Variants in MOK observed in about 807,000 individuals in gnomAD.
The protein encoded by MOK is MOK protein kinase, also known as MAPK/MAK/MRK overlapping kinase.
A neutral mutation model predicts 54.2 loss-of-function variants in MOK; 59 were observed. That is an observed-to-expected ratio of 1.09 (90% CI 0.88 to 1.35). The LOEUF is 1.35. Ranked by LOEUF, MOK falls within the 40% of genes most tolerant of loss-of-function variation. The pLI is 0.00. For synonymous variants in MOK, 210 were observed against 202.7 expected, an observed-to-expected ratio of 1.04 and a Z score of -0.31; for missense variants, 517 against 526.2, an observed-to-expected ratio of 0.98 and a Z score of 0.17.
downstream of MOK, among the ~76,000 whole-genome samples, chr14:102,219,792 G>T (rs551819707): frequency 2.6e-5 from 4 of 152,234 alleles, no homozygotes; most frequent in African/African-American, 9.6e-5. Context: ...TCAAAAGGGC[G>T]AAGCCTGCTA....
At chr14:102,286,298 C>CAA (rs60479729) in intron 1 of MOK, among the ~76,000 whole-genome samples, 393 of 25,574 alleles carry the variant, frequency 0.015, 25 homozygotes, top group African/African-American at 0.046. Context: ...GACTCCGTCT[C>CAA]AAAAAAAAAA....
intron 2 of MOK, among the ~76,000 whole-genome samples, chr14:102,281,750 C>T (rs1026327624): frequency 1.3e-5 from 2 of 152,028 alleles, no homozygotes; most frequent in African/African-American, 4.8e-5. Flanking sequence ...CAGCTGTCTG[C>T]TCTTTAGATA....
At chr14:102,263,674 T>G (rs933466621) in intron 3 of MOK, 58 bp from the exon 4 acceptor site, 1 of 1,183,944 alleles carries the variant, frequency 8.4e-7, no homozygotes, top group Non-Finnish European at 1.2e-6. Context: ...GAAAATATAA[T>G]CCAATATTTA....
At chr14:102,248,902 T>C (rs2066310243) in intron 7 of MOK, among the ~76,000 whole-genome samples, 2 of 152,148 alleles carry the variant, frequency 1.3e-5, no homozygotes, top group South Asian at 2.1e-4. Flanking sequence ...ACTGTCTGAC[T>C]TGCTTGCCTG....
intron 6 of MOK, chr14:102,251,433 G>A: frequency 6.9e-6 from 3 of 437,620 alleles, no homozygotes; most frequent in Non-Finnish European, 8.7e-6. Context: ...TGGCTTGGGA[G>A]TGAGACGGAC....
rs1214672392 is a variant in MOK at position 102,278,677 on chromosome 14, G to C, written c.122+4801C>G. 1.3e-5 allele frequency: 6 copies of C among 455,372 alleles called. No individual in the cohort carries two copies. In the East Asian group the frequency reaches 4.2e-4, roughly 32 times the overall value. The allele number at this position is 455,372 out of a possible 1,614,324, so 28.2% of individuals were successfully genotyped here. On this transcript the variant is annotated intron_variant, in intron 2 of 11. Transcript: ENST00000361847. ...GCCAGGTGGGGAACTTGATCTCTCC[G>C]AATTTCAATTCCCTAGTCTGAAAGA... is the stretch of plus-strand genomic sequence containing the variant.
intron 2 of MOK, among the ~76,000 whole-genome samples, chr14:102,273,143 A>C (rs974049849): frequency 1.3e-5 from 2 of 151,912 alleles, no homozygotes; most frequent in Admixed American, 6.6e-5. Context: ...GCACTCCAGC[A>C]TGGGCAACAG....
chr14:102,283,335 A>G (rs2069669485), intron 2 of MOK, 143 bp downstream of exon 2: 2 of 560,510 alleles, frequency 3.6e-6, no homozygotes, highest in South Asian at 5.7e-5. Flanking sequence ...ACATAACATT[A>G]GCATATAACC....
intron 1 of MOK, among the ~76,000 whole-genome samples, chr14:102,297,580 C>G (rs1368337056): frequency 6.6e-6 from 1 of 152,246 alleles, no homozygotes; most frequent in Non-Finnish European, 1.5e-5. Context: ...AGCCCTTCAG[C>G]TCGCCGCTGC....
At position 102,250,817 on chromosome 14, in the gene MOK, G is replaced by A. The variant is rs199967642; in HGVS notation, c.585C>T (p.Ile195=). 70 of 1,613,052 alleles carry A rather than the reference G, an allele frequency of 4.3e-5. No individual in the cohort carries two copies. The highest frequency in any genetic ancestry group is 2.7e-4 in the East Asian group (12 of 44,838). ...GGAGCCTGGCCTGGTGCTACCTGGC[G>A]ATCTCGTAGAACACACAGCCGGCGC... ...LWSAGCVFYE[I]ASLQPLFPGV... is the part of the protein sequence containing the mutation. Residue 195 remains isoleucine, a synonymous_variant, in exon 7 of 12, where the codon ATC becomes ATT. Transcript: ENST00000361847.
intron 7 of MOK, among the ~76,000 whole-genome samples, chr14:102,242,112 A>G (rs1391404213): frequency 6.6e-6 from 1 of 152,172 alleles, no homozygotes; most frequent in African/African-American, 2.4e-5. Context: ...GACTAATGCT[A>G]CCTGATTGCC....
At chr14:102,265,584 T>C (rs981040575) in intron 3 of MOK, among the ~76,000 whole-genome samples, 2 of 151,880 alleles carry the variant, frequency 1.3e-5, no homozygotes, top group African/African-American at 4.8e-5. Flanking sequence ...TGAGCCAAGA[T>C]CACGCCGCTG....
chr14:102,299,451 G>A (rs977917840), intron 1 of MOK, among the ~76,000 whole-genome samples: 3 of 151,942 alleles, frequency 2.0e-5, no homozygotes, highest in East Asian at 1.9e-4. Context: ...GGAGGCAGAG[G>A]TTGCAGCGAG....
chr14:102,268,070 C>T (rs2068054655), intron 2 of MOK, among the ~76,000 whole-genome samples: 1 of 152,100 alleles, frequency 6.6e-6, no homozygotes. Flanking sequence ...TTTTTGAACA[C>T]CCGATCTGAA....
chr14:102,257,775 G>T (rs916845277), intron 4 of MOK, among the ~76,000 whole-genome samples: 1 of 152,166 alleles, frequency 6.6e-6, no homozygotes, highest in Middle Eastern at 3.4e-3. Context: ...TCAAGAGATC[G>T]AGACCATCCT....
intron 6 of MOK, 144 bp from the exon 7 acceptor site, chr14:102,251,134 A>T: frequency 1.2e-6 from 1 of 815,532 alleles, no homozygotes; most frequent in Non-Finnish European, 1.9e-6. Flanking sequence ...CTTTCTGAGC[A>T]CCTCAAAGTG....
intron 4 of MOK, among the ~76,000 whole-genome samples, chr14:102,255,851 C>A (rs528668617): frequency 1.1e-4 from 17 of 152,254 alleles, no homozygotes; most frequent in Non-Finnish European, 2.1e-4. Context: ...CTATCCTGAC[C>A]AAGGTAATTT....
intron 1 of MOK, among the ~76,000 whole-genome samples, chr14:102,296,647 T>G (rs540925658): frequency 3.8e-4 from 58 of 152,292 alleles, no homozygotes; most frequent in East Asian, 1.9e-3. Flanking sequence ...AAACAGAAAG[T>G]GGCCAGGCAC....
chr14:102,252,032 A>T, intron 4 of MOK, 37 bp from the exon 5 acceptor site: 1 of 1,108,918 alleles, frequency 9.0e-7, no homozygotes, highest in Non-Finnish European at 1.4e-6. Context: ...ACGGTTACTG[A>T]TGGTACATAT....
Sources: gnomAD v4.1 joint callset for allele counts (sites outside exome capture counted in the v4.1 genomes callset) on GRCh38, gnomAD v4.1.1 for gene constraint, MANE v1.5 for transcripts, NCBI Gene and HGNC (gene_info 2026-07-23, HGNC 2026-07-21) for gene names.